Variants in LMTK3 observed in about 807,000 individuals in gnomAD.
LMTK3 encodes the protein serine/threonine-protein kinase LMTK3.
A neutral mutation model predicts 116.7 loss-of-function variants in LMTK3; 27 were observed. That is an observed-to-expected ratio of 0.23 (90% CI 0.17 to 0.32). LMTK3 has a LOEUF of 0.32. LMTK3 is among the 10% of genes least tolerant of loss of function. The pLI, the probability that LMTK3 is intolerant of heterozygous loss-of-function variation, is 1.00. For synonymous variants in LMTK3, 965 were observed against 971.0 expected, an observed-to-expected ratio of 0.99 and a Z score of 0.11; for missense variants, 1,764 against 2,068.5, an observed-to-expected ratio of 0.85 and a Z score of 2.86.
At chr19:48,488,233 C>T (rs1395124956) in intron 14 of LMTK3, among the ~76,000 whole-genome samples, 4 of 152,092 alleles carry the variant, frequency 2.6e-5, no homozygotes, top group African/African-American at 9.7e-5. Flanking sequence ...GCGATGATGG[C>T]CTAAGGGAGA....
At chr19:48,510,668 C>A in intron 1 of LMTK3, 76 bp from the exon 2 acceptor site, 1 of 1,448,860 alleles carries the variant, frequency 6.9e-7, no homozygotes, top group Non-Finnish European at 9.1e-7. Context: ...CCCGTCCCGG[C>A]ACGTCTTGGA....
In LMTK3 at chr19:48,499,007, C is replaced by T; in HGVS notation, c.2062G>A (p.Ala688Thr). 1 of 1,419,940 alleles carries T rather than the reference C, an allele frequency of 7.0e-7. No homozygotes were observed. The highest frequency in any genetic ancestry group is 1.5e-5 in the South Asian group (1 of 67,852). The allele number at this position is 1,419,940 out of a possible 1,614,324, so 88.0% of individuals were successfully genotyped here. The change falls in exon 11 of 15, where the codon GCC (alanine) becomes ACC (threonine). Residue 688 changes from alanine to threonine, a missense_variant. Around this residue, in one of 7 missense-constraint regions of LMTK3, gnomAD observed 1,028 missense variants for 1,050.6 expected, o/e 0.98. Transcript: ENST00000600059. ...GGGTGGCCTCCCCAGCCTGCTACGG[C>T]GTCCCCCCGCTCCAGTGGCAGGCAG... ...CSCLPLERGD[A>T]VAGWGGHPAL...
chr19:48,501,430 C>G (rs772845063), intron 8 of LMTK3, 26 bp from the exon 9 acceptor site: 7 of 1,612,494 alleles, frequency 4.3e-6, no homozygotes, highest in Non-Finnish European at 5.9e-6. Flanking sequence ...CGGTGTCAGG[C>G]GGGTCAGGGC....
rs757078019 is a variant in LMTK3, at chr19:48,499,741, C to T, written c.1328G>A (p.Arg443His). The change falls in exon 11 of 15, where the codon CGC (arginine) becomes CAC (histidine). Residue 443 changes from arginine (R) to histidine (H), a missense_variant. Around this residue, in one of 7 missense-constraint regions of LMTK3, gnomAD observed 63 missense variants for 65.0 expected, o/e 0.97. Transcript: ENST00000600059. The part of the protein sequence containing the change: ...WPWPPAHSAP[R>H]PGTLSSPFPL... The stretch of plus-strand genomic sequence containing the variant: ...GAACGGTGAGGAGAGGGTCCCCGGG[C>T]GGGGCGCACTGTGTGCAGGGGGCCA... The T allele has an allele frequency of 9.2e-6, 11 of 1,199,712 alleles. No individual in the cohort carries two copies. The highest frequency in any genetic ancestry group is 2.6e-4 in the Middle Eastern group (1 of 3,876). The allele number at this position is 1,199,712 out of a possible 1,614,324, so 74.3% of individuals were successfully genotyped here.
intron 14 of LMTK3, among the ~76,000 whole-genome samples, chr19:48,489,877 C>G (rs1029187541): frequency 6.6e-6 from 1 of 152,184 alleles, no homozygotes; most frequent in Non-Finnish European, 1.5e-5. Flanking sequence ...CGGGGAGCAC[C>G]ACCTGTCCTG....
In LMTK3 at chr19:48,500,607, G is replaced by T. The variant is rs1418056389; in HGVS notation, c.1151+389C>A. Among the ~76,000 whole-genome samples, 1 of 152,108 alleles carries T rather than the reference G, an allele frequency of 6.6e-6. No homozygotes were observed. The highest frequency in any genetic ancestry group is 1.5e-5 in the Non-Finnish European group (1 of 68,008). Reference sequence around the variant, plus strand: ...GGAGGTAACTGGGCTGGGGAGCTGGGTATTGAGACCCAAAGAAGCAGGGGT... The same window carrying T: ...GGAGGTAACTGGGCTGGGGAGCTGGTTATTGAGACCCAAAGAAGCAGGGGT... On this transcript the variant is annotated intron_variant, in intron 10 of 14. Transcript: ENST00000600059. This position sits in a 1 kb window ranked among gnomAD's most constrained non-coding sequence, Gnocchi z 4.0.
intron 14 of LMTK3, among the ~76,000 whole-genome samples, chr19:48,489,909 G>C (rs566618408): frequency 6.6e-6 from 1 of 152,314 alleles, no homozygotes; most frequent in African/African-American, 2.4e-5. Context: ...ACAAGCCCTG[G>C]GTCCTGGGGG....
In LMTK3 at chr19:48,497,311, G is replaced by A. The variant is rs143507294; in HGVS notation, c.3676+82C>T. ...GCATTCATCACTGCCAGCCCGACCC[G>A]ACATGTTTACCCACACTCACCCTCC... is the stretch of plus-strand genomic sequence containing the variant. On this transcript the variant is annotated intron_variant, in intron 11 of 14. Transcript: ENST00000600059. This position sits in a 1 kb window ranked among gnomAD's most constrained non-coding sequence, Gnocchi z 5.7. 2.5e-5 allele frequency: 34 copies of A among 1,359,440 alleles called. No homozygotes were observed. Among genetic ancestry groups the A allele is most frequent in the Middle Eastern group, 2.1e-4 (1 of 4,652 alleles). The allele number at this position is 1,359,440 out of a possible 1,614,324, so 84.2% of individuals were successfully genotyped here.
intron 5 of LMTK3, among the ~76,000 whole-genome samples, chr19:48,507,765 C>T (rs1030157585): frequency 4.6e-5 from 7 of 152,174 alleles, no homozygotes; most frequent in African/African-American, 9.7e-5. Flanking sequence ...AGTATACCAC[C>T]GTGCCCATCT....
At position 48,494,534 on chromosome 19, in the gene LMTK3, C is replaced by T. The variant is rs1972291853; in HGVS notation, c.3677-425G>A. 6.6e-6 allele frequency among the ~76,000 whole-genome samples: 1 copy of T among 152,082 alleles called. No individual in the cohort carries two copies. Among genetic ancestry groups the T allele is most frequent in the African/African-American group, 2.4e-5 (1 of 41,408 alleles). ...TTAGTAGAGACGGGGTTTCACCATG[C>T]TGGCCAGGCTGGTCTTGAACTCCTG... On this transcript the variant is annotated intron_variant, in intron 11 of 14. Transcript: ENST00000600059. The surrounding 1 kb of genome is among the most constrained non-coding windows in gnomAD (Gnocchi z 4.0).
In LMTK3 at chr19:48,498,712, G is replaced by A. The variant is rs1972387983; in HGVS notation, c.2357C>T (p.Pro786Leu). The A allele has an allele frequency of 2.0e-6, 3 of 1,533,156 alleles. No individual in the cohort carries two copies. Among genetic ancestry groups the A allele is most frequent in the South Asian group, 1.2e-5 (1 of 83,926 alleles). 95.0% of individuals were successfully genotyped at this position (1,533,156 alleles called of 1,614,324 possible). Residue 786 changes from proline to leucine, a missense_variant, in exon 11 of 15, where the codon CCG becomes CTG. Coordinates refer to ENST00000600059, the MANE Select transcript of LMTK3 (RefSeq NM_001388485.1). ...GCCGCTGTCCCCCGGCTTGGGGCCC[G>A]GCGACGAGAGGCCTGAACCGGGACT... is the stretch of plus-strand genomic sequence containing the variant. ...VASPGSGLSS[P>L]GPKPGDSGYE...
At position 48,497,908 on chromosome 19, in the gene LMTK3, C is replaced by G. The variant is rs748947007; in HGVS notation, c.3161G>C (p.Arg1054Thr). The G allele has an allele frequency of 1.1e-5, 17 of 1,504,522 alleles. No homozygotes were observed. The highest frequency in any genetic ancestry group is 1.4e-5 in the Non-Finnish European group (16 of 1,131,494). 93.2% of individuals were successfully genotyped at this position (1,504,522 alleles called of 1,614,324 possible). The part of the protein sequence containing the change: ...GEPAPETSLE[R>T]APAPSAVVSS... The stretch of plus-strand genomic sequence containing the variant: ...GACCACTGCGCTGGGTGCAGGGGCT[C>G]TCTCCAGAGAGGTCTCTGGGGCTGG... Residue 1054 changes from arginine (R) to threonine (T), a missense_variant, in exon 11 of 15, where the codon AGA becomes ACA. Arg to Thr is a moderately conservative substitution (Grantham distance 71, BLOSUM62 -1). This residue lies in a region of LMTK3 where 1,028 missense variants were observed against 1,050.6 expected (regional missense o/e 0.98). Transcript: ENST00000600059. The surrounding 1 kb of genome is among the most constrained non-coding windows in gnomAD (Gnocchi z 5.7).
chr19:48,503,807 CTCTT>C (rs1478416330), intron 5 of LMTK3, among the ~76,000 whole-genome samples: 1 of 151,622 alleles, frequency 6.6e-6, no homozygotes, highest in South Asian at 2.1e-4. Flanking sequence ...CTCTCTCTCT[CTCTT>C]TTTTTTCCTT....
chr19:48,497,616 T>TGGCAGC lies in LMTK3; in HGVS notation c.3447_3452dup (p.Leu1150_Pro1151dup). ...TCCTCGGCTGTGCCTCCGGTGGCGG[T>TGGCAGC]GGCAGCGGTGGCGGCGGTGGCTGCG... On this transcript the variant is annotated inframe_insertion, in exon 11 of 15. Coordinates refer to ENST00000600059, the MANE Select transcript of LMTK3 (RefSeq NM_001388485.1). This position sits in a 1 kb window ranked among gnomAD's most constrained non-coding sequence, Gnocchi z 5.7. The TGGCAGC allele has an allele frequency of 2.3e-6, 3 of 1,300,228 alleles. No homozygotes were observed. Among genetic ancestry groups the TGGCAGC allele is most frequent in the Admixed American group, 4.0e-5 (1 of 25,054 alleles). The allele number at this position is 1,300,228 out of a possible 1,614,324, so 80.5% of individuals were successfully genotyped here.
chr19:48,504,195 C>T (rs1288672818), intron 5 of LMTK3, among the ~76,000 whole-genome samples: 7 of 152,288 alleles, frequency 4.6e-5, no homozygotes, highest in South Asian at 4.1e-4. Flanking sequence ...CTCTGCAGAA[C>T]GCCCTCCTCT....
chr19:48,488,953 G>C (rs1972172960), intron 14 of LMTK3, among the ~76,000 whole-genome samples: 1 of 152,080 alleles, frequency 6.6e-6, no homozygotes, highest in Non-Finnish European at 1.5e-5. Flanking sequence ...TGGTCAGGCT[G>C]GTCTTGAACT....
upstream of LMTK3, among the ~76,000 whole-genome samples, chr19:48,512,842 A>G (rs951422956): frequency 6.6e-6 from 1 of 152,186 alleles, no homozygotes; most frequent in African/African-American, 2.4e-5. Context: ...ACACTGATAC[A>G]TACAGACACA....
At chr19:48,487,183 T>C (rs1235320574) in intron 14 of LMTK3, among the ~76,000 whole-genome samples, 1 of 152,022 alleles carries the variant, frequency 6.6e-6, no homozygotes, top group Non-Finnish European at 1.5e-5. Flanking sequence ...TACAGAGGTG[T>C]GCCACCACAC....
At chr19:48,495,298 C>T (rs1972305822) in intron 11 of LMTK3, among the ~76,000 whole-genome samples, 1 of 152,170 alleles carries the variant, frequency 6.6e-6, no homozygotes, top group African/African-American at 2.4e-5. Flanking sequence ...GTGTGAGCCA[C>T]CGCACCCAGC....
Sources: gnomAD v4.1 joint callset for allele counts (sites outside exome capture counted in the v4.1 genomes callset) on GRCh38, gnomAD v4.1.1 for gene constraint, gnomAD v4.1.1 regional missense constraint, Gnocchi (gnomAD v3.1) non-coding constraint, MANE v1.5 for transcripts, NCBI Gene and HGNC (gene_info 2026-07-23, HGNC 2026-07-21) for gene names.